The following RYK variants were observed in gnomAD, a reference collection of about 807,000 sequenced individuals.
RYK encodes the protein receptor like tyrosine kinase, also known as inactive tyrosine-protein kinase RYK.
RYK carries 21 observed loss-of-function variants against 70.2 expected under a neutral mutation model. The ratio of observed to expected loss-of-function variants is 0.30; its 90% CI spans 0.21 to 0.43. The LOEUF (loss-of-function observed/expected upper bound fraction) is 0.43, where lower values mean the gene tolerates loss of function less well. Among genes scored for constraint, RYK ranks in the 20% least tolerant of loss-of-function variants. RYK has a pLI of 1.00. For synonymous variants in RYK, 267 were observed against 278.0 expected (o/e 0.96, Z 0.39); for missense variants, 604 against 753.3 (o/e 0.80, Z 2.32).
intron 13 of RYK, among the ~76,000 whole-genome samples, chr3:134,165,216 T>G (rs957853632): frequency 6.6e-6 from 1 of 152,244 alleles, no homozygotes; most frequent in African/African-American, 2.4e-5. Flanking sequence ...ACAATTTATT[T>G]TTGTACACTG....
At position 134,157,607 on chromosome 3, in the gene RYK, TTTC is replaced by T. The variant is rs1476422643; in HGVS notation, c.*543_*545del. 11 of 152,528 alleles carry T rather than the reference TTTC, an allele frequency of 7.2e-5. No homozygotes were observed. The highest frequency in any genetic ancestry group is 2.7e-4 in the African/African-American group (11 of 41,460). 9.4% of individuals were successfully genotyped at this position (152,528 alleles called of 1,614,324 possible). On this transcript the variant is annotated 3_prime_UTR_variant, in exon 15 of 15. Coordinates refer to ENST00000623711, the MANE Select transcript of RYK (RefSeq NM_002958.4). Reference sequence around the variant, plus strand: ...TTTTTCCTCTAGCTTTTCTTTAAATTTTCTTCCTCTAATATTGCCTTTTCTTGT... The same window carrying T: ...TTTTTCCTCTAGCTTTTCTTTAAATTTTCCTCTAATATTGCCTTTTCTTGT...
intron 1 of RYK, among the ~76,000 whole-genome samples, chr3:134,225,392 T>C (rs2014878685): frequency 6.6e-6 from 1 of 150,696 alleles, no homozygotes; most frequent in African/African-American, 2.4e-5. Flanking sequence ...TGTATTAATA[T>C]AAAATTTACT....
chr3:134,179,883 A>C (rs547393231), intron 10 of RYK: 1 of 152,356 alleles, frequency 6.6e-6, no homozygotes, highest in East Asian at 1.9e-4. Context: ...CAAATCTTTT[A>C]TTCCACTACC....
At chr3:134,222,364 G>A in intron 2 of RYK, 54 bp downstream of exon 2, 1 of 1,605,034 alleles carries the variant, frequency 6.2e-7, no homozygotes, top group Non-Finnish European at 8.5e-7. Flanking sequence ...CACAGCCCTT[G>A]CCTCTGTGGC....
At chr3:134,179,321 C>T (rs2013213306) in intron 10 of RYK, 1 of 152,148 alleles carries the variant, frequency 6.6e-6, no homozygotes, top group Admixed American at 6.5e-5. Context: ...AGTTATAAAA[C>T]CGTGGCACAA....
chr3:134,222,621 A>G (rs939971624), intron 1 of RYK, 82 bp from the exon 2 acceptor site: 2 of 1,202,128 alleles, frequency 1.7e-6, no homozygotes, highest in Non-Finnish European at 2.3e-6. Flanking sequence ...ATACAAATAG[A>G]GTGAAGATAA....
chr3:134,196,656 A>G (rs1002271772), intron 6 of RYK, among the ~76,000 whole-genome samples: 51 of 151,976 alleles, frequency 3.4e-4, no homozygotes, highest in Non-Finnish European at 4.0e-4. Flanking sequence ...TAACATTTAT[A>G]TATGAATGTT....
At chr3:134,178,246 C>A (rs1034357396) in intron 10 of RYK, 173 bp from the exon 11 acceptor site, 1 of 549,216 alleles carries the variant, frequency 1.8e-6, no homozygotes, top group Non-Finnish European at 3.1e-6. Flanking sequence ...ACTTAAGTGT[C>A]CCCTATATAT....
At chr3:134,244,755 T>A (rs143233470) in intron 1 of RYK, among the ~76,000 whole-genome samples, 17 of 152,208 alleles carry the variant, frequency 1.1e-4, no homozygotes, top group Non-Finnish European at 2.2e-4. Flanking sequence ...ACTCTAAGAT[T>A]ATTGTTTTCT....
intron 13 of RYK, among the ~76,000 whole-genome samples, chr3:134,164,264 T>C (rs2012581523): frequency 6.6e-6 from 1 of 152,224 alleles, no homozygotes; most frequent in African/African-American, 2.4e-5. Context: ...TTTATTGTAG[T>C]ACAGCTGACA....
intron 2 of RYK, among the ~76,000 whole-genome samples, chr3:134,214,512 A>T (rs773474081): frequency 6.6e-6 from 1 of 150,740 alleles, no homozygotes; most frequent in Non-Finnish European, 1.5e-5. Context: ...CATTACTGAC[A>T]GTCATATTGG....
intron 2 of RYK, 45 bp from the exon 3 acceptor site, chr3:134,211,652 G>T: frequency 7.7e-7 from 1 of 1,297,828 alleles, no homozygotes. Context: ...GTGATAACAA[G>T]AAGGATACTA....
At chr3:134,182,037 C>A (rs2013311791) in intron 10 of RYK, among the ~76,000 whole-genome samples, 1 of 151,974 alleles carries the variant, frequency 6.6e-6, no homozygotes, top group Non-Finnish European at 1.5e-5. Flanking sequence ...TGCCTATAGT[C>A]CCAGCTACTC....
chr3:134,202,908 T>C, intron 5 of RYK, 34 bp from the exon 6 acceptor site: 2 of 1,590,100 alleles, frequency 1.3e-6, no homozygotes, highest in Non-Finnish European at 1.7e-6. Flanking sequence ...TTTAGCTTTT[T>C]AAACAAATAT....
intron 1 of RYK, among the ~76,000 whole-genome samples, chr3:134,229,486 A>G (rs1005568062): frequency 6.6e-6 from 1 of 152,084 alleles, no homozygotes; most frequent in African/African-American, 2.4e-5. Flanking sequence ...AAAAAACTGA[A>G]AATTATCAAA....
At chr3:134,186,831 C>A (rs976233061) in intron 9 of RYK, among the ~76,000 whole-genome samples, 1 of 151,902 alleles carries the variant, frequency 6.6e-6, no homozygotes, top group African/African-American at 2.4e-5. Flanking sequence ...CCCAGTTCTA[C>A]ACAGTCTATA....
At chr3:134,183,625 T>C (rs562257867) in intron 9 of RYK, among the ~76,000 whole-genome samples, 1 of 152,244 alleles carries the variant, frequency 6.6e-6, no homozygotes, top group East Asian at 1.9e-4. Context: ...GTAGCTTGGA[T>C]AGATGGAGAA....
chr3:134,222,474 G>C lies in RYK; in HGVS notation c.298C>G (p.Leu100Val), dbSNP rs778421089. 1 of 1,613,302 alleles carries C rather than the reference G, an allele frequency of 6.2e-7. No individual in the cohort carries two copies. Among genetic ancestry groups the C allele is most frequent in the Non-Finnish European group, 8.5e-7 (1 of 1,179,500 alleles). ...LISHYALSFS[L>V]LVPSETNFLH... Reference sequence around the variant, plus strand: ...AAATTTGTCTCACTGGGTACTAACAGACTAAAGGATAGAGCGTAGTGACTA... The same window carrying C: ...AAATTTGTCTCACTGGGTACTAACACACTAAAGGATAGAGCGTAGTGACTA... Residue 100 changes from leucine to valine, a missense_variant, in exon 2 of 15, where the codon CTG becomes GTG. Coordinates refer to ENST00000623711, the MANE Select transcript of RYK (RefSeq NM_002958.4).
chr3:134,226,026 A>G (rs756229206), intron 1 of RYK, among the ~76,000 whole-genome samples: 2 of 152,168 alleles, frequency 1.3e-5, no homozygotes, highest in Non-Finnish European at 2.9e-5. Flanking sequence ...GATTCAAACC[A>G]AAATCATACA....
Sources: allele counts gnomAD v4.1 joint callset (sites outside exome capture counted in the v4.1 genomes callset), GRCh38; gene constraint gnomAD v4.1.1; transcripts MANE v1.5; gene names NCBI Gene and HGNC (gene_info 2026-07-23, HGNC 2026-07-21).